The following TEC variants were observed in gnomAD, a reference collection of about 807,000 sequenced individuals.
The protein encoded by TEC is tec protein tyrosine kinase.
A neutral mutation model predicts 93.0 loss-of-function variants in TEC; 72 were observed. That is an observed-to-expected ratio of 0.77 (90% CI 0.64 to 0.94). The LOEUF is 0.94. Ranked by LOEUF, TEC falls within the 40% of genes least tolerant of loss-of-function variation. TEC has a pLI of 0.00. For synonymous variants in TEC, 249 were observed against 247.7 expected, an observed-to-expected ratio of 1.01 and a Z score of -0.05; for missense variants, 630 against 757.9, an observed-to-expected ratio of 0.83 and a Z score of 1.98.
intron 1 of TEC, among the ~76,000 whole-genome samples, chr4:48,258,144 G>GTTTT (rs1393335799): frequency 1.0e-5 from 1 of 97,900 alleles, no homozygotes; most frequent in African/African-American, 3.7e-5. Context: ...TTGTTTTTTT[G>GTTTT]GTTTTTTTTT....
chr4:48,250,374 T>C (rs555297924), intron 1 of TEC, among the ~76,000 whole-genome samples: 2 of 152,346 alleles, frequency 1.3e-5, no homozygotes, highest in East Asian at 3.9e-4. Context: ...GTGCAATAGA[T>C]TGATTGGAAT....
chr4:48,256,618 A>C (rs905352451), intron 1 of TEC, among the ~76,000 whole-genome samples: 32 of 129,212 alleles, frequency 2.5e-4, no homozygotes, highest in Admixed American at 1.2e-3. Flanking sequence ...AAAAAAAAAA[A>C]GTCTTTTTGC....
intron 1 of TEC, among the ~76,000 whole-genome samples, chr4:48,257,733 A>G (rs1724383768): frequency 6.6e-6 from 1 of 152,214 alleles, no homozygotes; most frequent in South Asian, 2.1e-4. Context: ...GTACAAATGA[A>G]TGATTTCCTT....
intron 2 of TEC, among the ~76,000 whole-genome samples, chr4:48,204,763 A>T (rs2109601671): frequency 6.6e-6 from 1 of 152,248 alleles, no homozygotes; most frequent in Non-Finnish European, 1.5e-5. Flanking sequence ...TCCTATCAGG[A>T]TCTAATGCCA....
rs1238339953 is a variant in TEC, at chr4:48,227,557, T to C, written c.138+920A>G. 4.0e-5 allele frequency among the ~76,000 whole-genome samples: 6 copies of C among 151,334 alleles called. No individual in the cohort carries two copies. In the East Asian group the frequency reaches 1.2e-3, roughly 29 times the overall value. ...TACTCGGGAAGCTGCGGCAGAAGAATTGCTTGAACCAGGAGATGGAGGTTA... is the reference window on the plus strand; with the variant it reads ...TACTCGGGAAGCTGCGGCAGAAGAACTGCTTGAACCAGGAGATGGAGGTTA... On this transcript the variant is annotated intron_variant, in intron 2 of 17. Transcript: ENST00000381501.
chr4:48,217,575 GAA>G (rs1371500406), intron 2 of TEC, among the ~76,000 whole-genome samples: 1 of 152,152 alleles, frequency 6.6e-6, no homozygotes, highest in Non-Finnish European at 1.5e-5. Context: ...ACTCTTACAT[GAA>G]ATCATTGAGT....
At chr4:48,246,009 T>C (rs1331508228) in intron 1 of TEC, among the ~76,000 whole-genome samples, 1 of 152,138 alleles carries the variant, frequency 6.6e-6, no homozygotes, top group Non-Finnish European at 1.5e-5. Flanking sequence ...CTCGGGAGGC[T>C]GTGGCACAAG....
intron 14 of TEC, 89 bp downstream of exon 14, chr4:48,144,990 T>C (rs920477126): frequency 2.7e-6 from 3 of 1,128,008 alleles, no homozygotes; most frequent in African/African-American, 3.1e-5. Flanking sequence ...AGAACAAAAA[T>C]TGGCTATTAA....
At chr4:48,169,695 C>T (rs10805164) in intron 5 of TEC, among the ~76,000 whole-genome samples, 57,886 of 152,022 alleles carry the variant, frequency 0.38, 12,043 homozygotes, top group East Asian at 0.9. Context: ...ACAATCTCCA[C>T]GTATTTTTAG....
intron 2 of TEC, among the ~76,000 whole-genome samples, chr4:48,180,061 G>C (rs1221124928): frequency 6.6e-6 from 1 of 152,084 alleles, no homozygotes; most frequent in Non-Finnish European, 1.5e-5. Flanking sequence ...GAAAATTTGG[G>C]ATGACTTGAT....
chr4:48,188,679 T>C (rs1056148020), intron 2 of TEC, among the ~76,000 whole-genome samples: 1 of 152,210 alleles, frequency 6.6e-6, no homozygotes, highest in Non-Finnish European at 1.5e-5. Flanking sequence ...ATTCACATAC[T>C]TATACAAGTA....
chr4:48,166,523 T>C (rs1720879900), intron 7 of TEC, among the ~76,000 whole-genome samples: 1 of 152,064 alleles, frequency 6.6e-6, no homozygotes, highest in Non-Finnish European at 1.5e-5. Flanking sequence ...TTTTTTTAAG[T>C]CTTTAGAATT....
intron 1 of TEC, among the ~76,000 whole-genome samples, chr4:48,234,762 G>A (rs1273852385): frequency 1.3e-5 from 2 of 152,146 alleles, no homozygotes; most frequent in Non-Finnish European, 2.9e-5. Context: ...TCCCGTGTGG[G>A]TGGGGGAGTA....
intron 2 of TEC, among the ~76,000 whole-genome samples, chr4:48,191,205 C>T (rs1722082947): frequency 6.6e-6 from 1 of 152,214 alleles, no homozygotes; most frequent in South Asian, 2.1e-4. Context: ...GTGAGATGCT[C>T]ACAGGCACAT....
intron 1 of TEC, among the ~76,000 whole-genome samples, chr4:48,246,166 G>A (rs1182455004): frequency 6.6e-6 from 1 of 151,872 alleles, no homozygotes; most frequent in Non-Finnish European, 1.5e-5. Context: ...TACCTACAGA[G>A]AGAAATTGAG....
chr4:48,226,487 A>T (rs946433416), intron 2 of TEC, among the ~76,000 whole-genome samples: 1 of 152,172 alleles, frequency 6.6e-6, no homozygotes, highest in African/African-American at 2.4e-5. Flanking sequence ...CAACGTGAAG[A>T]TGGCAAGGAA....
intron 2 of TEC, among the ~76,000 whole-genome samples, chr4:48,216,924 A>T (rs1184932313): frequency 6.6e-6 from 1 of 152,208 alleles, no homozygotes; most frequent in African/African-American, 2.4e-5. Flanking sequence ...GATCTAGAAT[A>T]TGTCTATTGT....
chr4:48,219,806 T>C (rs1723198310), intron 2 of TEC, among the ~76,000 whole-genome samples: 1 of 152,148 alleles, frequency 6.6e-6, no homozygotes. Context: ...ACTACTGGTC[T>C]CCGTGTCTTG....
intron 11 of TEC, among the ~76,000 whole-genome samples, chr4:48,148,863 C>G (rs1720034893): frequency 6.6e-6 from 1 of 152,052 alleles, no homozygotes; most frequent in African/African-American, 2.4e-5. Context: ...TGTGTTGTTC[C>G]CCTCTATGTG....
Sources: gnomAD v4.1 joint callset for allele counts (sites outside exome capture counted in the v4.1 genomes callset) on GRCh38, gnomAD v4.1.1 for gene constraint, MANE v1.5 for transcripts, NCBI Gene and HGNC (gene_info 2026-07-23, HGNC 2026-07-21) for gene names.